Variants in CALML4 observed in about 807,000 individuals in gnomAD.
CALML4 encodes the protein calmodulin-like protein 4.
A neutral mutation model predicts 17.9 loss-of-function variants in CALML4; 16 were observed. The ratio of observed to expected loss-of-function variants is 0.89; its 90% CI spans 0.61 to 1.36. The LOEUF (loss-of-function observed/expected upper bound fraction) is 1.36. Ranked by LOEUF, CALML4 falls within the 40% of genes most tolerant of loss-of-function variation. The pLI is 0.00. For synonymous variants in CALML4, 86 were observed against 71.5 expected (o/e 1.20, Z -1.02); for missense variants, 203 against 194.8 (o/e 1.04, Z -0.25).
At chr15:68,199,024 T>C (rs2093155933) in intron 3 of CALML4, among the ~76,000 whole-genome samples, 1 of 151,984 alleles carries the variant, frequency 6.6e-6, no homozygotes, top group Non-Finnish European at 1.5e-5. Flanking sequence ...TAGCTAGGCG[T>C]GGTGGCAGGC....
intron 2 of CALML4, chr15:68,199,918 A>AG (rs1317369177): frequency 1.1e-5 from 4 of 375,134 alleles, no homozygotes; most frequent in African/African-American, 8.3e-5. Flanking sequence ...TTTGCATAGG[A>AG]CATATACTTC....
intron 4 of CALML4, among the ~76,000 whole-genome samples, chr15:68,196,866 T>C (rs777542870): frequency 4.6e-5 from 7 of 152,188 alleles, no homozygotes; most frequent in Non-Finnish European, 8.8e-5. Context: ...GTTCTCCAAC[T>C]GTCCTGGCAA....
Position 68,199,561 on chromosome 15 carries a change from TG to T in CALML4, c.154del (p.His52ThrfsTer7), listed in dbSNP as rs1338813081. 1 of 1,613,358 alleles carries T rather than the reference TG, an allele frequency of 6.2e-7. No homozygotes were observed. The highest frequency in any genetic ancestry group is 8.5e-7 in the Non-Finnish European group (1 of 1,179,874). ...ASPTPGEVQR[H>X]LQTHGIDGNG... ...CTCACCTATCCCGTGGGTCTGCAGG[TG>T]CCGCTGCACCTCCCCTGGCGTCGGG... is the stretch of plus-strand genomic sequence containing the variant. On this transcript the variant is annotated frameshift_variant, in exon 3 of 5. Transcript: ENST00000467889. LOFTEE classifies it high-confidence loss of function.
chr15:68,202,453 CA>C (rs2093168202), intron 2 of CALML4, among the ~76,000 whole-genome samples: 1 of 152,194 alleles, frequency 6.6e-6, no homozygotes, highest in East Asian at 1.9e-4. Context: ...AAAATATTTA[CA>C]AATGTTTTGT....
At chr15:68,202,402 T>G (rs1156374534) in intron 2 of CALML4, among the ~76,000 whole-genome samples, 1 of 152,208 alleles carries the variant, frequency 6.6e-6, no homozygotes, top group Non-Finnish European at 1.5e-5. Flanking sequence ...GCCCAGGAGT[T>G]CGAGACCAGC....
chr15:68,191,573 C>T lies in CALML4; in HGVS notation c.*2442G>A, dbSNP rs2093120387. The T allele has an allele frequency of 6.6e-6, 1 of 152,650 alleles. No homozygotes were observed. The highest frequency in any genetic ancestry group is 6.5e-5 in the Admixed American group (1 of 15,286). 9.5% of individuals were successfully genotyped at this position (152,650 alleles called of 1,614,324 possible). On this transcript the variant is annotated 3_prime_UTR_variant, in exon 5 of 5. Transcript: ENST00000467889. Reference sequence around the variant, plus strand: ...CACCTTTCATCCAGAGATTTCAAAGCATGACAAGTAACTAACTAATTTTCT... The same window carrying T: ...CACCTTTCATCCAGAGATTTCAAAGTATGACAAGTAACTAACTAATTTTCT...
intron 2 of CALML4, among the ~76,000 whole-genome samples, chr15:68,201,212 C>T (rs908237327): frequency 1.3e-5 from 2 of 152,360 alleles, no homozygotes; most frequent in East Asian, 1.9e-4. Context: ...CCTTTCAGAA[C>T]ATTCCAGAGC....
Position 68,204,782 on chromosome 15 carries a change from C to T in CALML4, c.34+339G>A, listed in dbSNP as rs1015054437. On this transcript the variant is annotated intron_variant, in intron 2 of 4. Coordinates refer to ENST00000467889, the MANE Select transcript of CALML4 (RefSeq NM_033429.3). The surrounding 1 kb of genome is among the most constrained non-coding windows in gnomAD (Gnocchi z 6.0). Reference sequence around the variant, plus strand: ...TCAATTACAAAGCCCCTCCTCTTTCCCTGCTGCCAGCCATACCTTTAATGG... The same window carrying T: ...TCAATTACAAAGCCCCTCCTCTTTCTCTGCTGCCAGCCATACCTTTAATGG... 2.0e-5 allele frequency among the ~76,000 whole-genome samples: 3 copies of T among 152,164 alleles called. No homozygotes were observed. The highest frequency in any genetic ancestry group is 4.8e-5 in the African/African-American group (2 of 41,434).
Position 68,205,133 on chromosome 15 carries a change from C to A in CALML4, c.22G>T (p.Asp8Tyr), listed in dbSNP as rs751698482. ...AAACCCAACCTACCATTAATTTGGT[C>A]TTGGGAAAGAAACTTGGCCTGCAGC... The part of the protein sequence containing the change: MAKFLSQ[D>Y]QINEYKECFS... Residue 8 changes from aspartate (D) to tyrosine (Y), a missense_variant, in exon 2 of 5, where the codon GAC becomes TAC. Transcript: ENST00000467889. This position sits in a 1 kb window ranked among gnomAD's most constrained non-coding sequence, Gnocchi z 4.8. 6.2e-7 allele frequency: 1 copy of A among 1,614,108 alleles called. No homozygotes were observed. The highest frequency in any genetic ancestry group is 2.2e-5 in the East Asian group (1 of 44,882).
Position 68,199,524 on chromosome 15 carries a change from T to G in CALML4, c.175+17A>C. ...CTGGGCCCCTCCCCTCTCCCCGTTG[T>G]TCCCACCACCACTCACCTATCCCGT... On this transcript the variant is annotated intron_variant, in intron 3 of 4. Transcript: ENST00000467889. 2.5e-6 allele frequency: 4 copies of G among 1,601,820 alleles called. No individual in the cohort carries two copies. The highest frequency in any genetic ancestry group is 3.4e-6 in the Non-Finnish European group (4 of 1,173,238).
At chr15:68,194,385 T>C (rs997890575) in intron 4 of CALML4, among the ~76,000 whole-genome samples, 2 of 28,354 alleles carry the variant, frequency 7.1e-5, no homozygotes, top group African/African-American at 3.7e-4. Flanking sequence ...CACCGTGTGC[T>C]TTTTTTTTTT....
intron 4 of CALML4, among the ~76,000 whole-genome samples, chr15:68,194,890 A>G (rs2093136764): frequency 6.6e-6 from 1 of 151,360 alleles, no homozygotes. Flanking sequence ...CCCCCACCCC[A>G]AGAGAGGACT....
rs963049487 is a variant in CALML4 at position 68,204,588 on chromosome 15, G to A, written c.34+533C>T. On this transcript the variant is annotated intron_variant, in intron 2 of 4. Transcript: ENST00000467889. The surrounding 1 kb of genome is among the most constrained non-coding windows in gnomAD (Gnocchi z 6.0). The stretch of plus-strand genomic sequence containing the variant: ...CACGGTGTGAAACTGAAGCCTGGTC[G>A]AGGGCTGGCAGAGTAGGGGACCCAG... Among the ~76,000 whole-genome samples, 8 of 152,178 alleles carry A rather than the reference G, an allele frequency of 5.3e-5. No homozygotes were observed. The highest frequency in any genetic ancestry group is 1.2e-4 in the Non-Finnish European group (8 of 68,020).
chr15:68,194,903 G>A (rs2093136897), intron 4 of CALML4, among the ~76,000 whole-genome samples: 2 of 149,444 alleles, frequency 1.3e-5, no homozygotes, highest in Admixed American at 6.7e-5. Flanking sequence ...AGAGGACTTA[G>A]TGACAAGCAC....
At chr15:68,205,643 A>T, upstream of CALML4, 1 of 472,040 alleles carries the variant, frequency 2.1e-6, no homozygotes, top group Non-Finnish European at 3.9e-6. This position sits in a 1 kb window ranked among gnomAD's most constrained non-coding sequence, Gnocchi z 4.8. Context: ...TGGACACTTT[A>T]CACCCCGGGT....
At position 68,204,365 on chromosome 15, in the gene CALML4, ACT is replaced by A. The variant is rs533871259; in HGVS notation, c.34+754_34+755del. On this transcript the variant is annotated intron_variant, in intron 2 of 4. Transcript: ENST00000467889. The surrounding 1 kb of genome is among the most constrained non-coding windows in gnomAD (Gnocchi z 6.0). ...CTGGAGGAATGGGATGCCTCGGGGGACTCTCAGGCCCATTGACGTCCACTGTT... is the reference window on the plus strand; with the variant it reads ...CTGGAGGAATGGGATGCCTCGGGGGACTCAGGCCCATTGACGTCCACTGTT... Among the ~76,000 whole-genome samples the A allele has an allele frequency of 2.2e-4, 33 of 151,774 alleles. No homozygotes were observed. The South Asian group carries it at 6.7e-3, about 31-fold the overall frequency.
At chr15:68,194,683 C>T (rs1161743173) in intron 4 of CALML4, among the ~76,000 whole-genome samples, 1 of 152,110 alleles carries the variant, frequency 6.6e-6, no homozygotes, top group Non-Finnish European at 1.5e-5. Context: ...TGTGCCCGGC[C>T]CACCCTGTGC....
intron 2 of CALML4, 198 bp from the exon 3 acceptor site, chr15:68,199,879 T>C (rs1276850736): frequency 8.4e-6 from 4 of 478,124 alleles, no homozygotes; most frequent in South Asian, 4.3e-5. Context: ...AGATAAACAC[T>C]GAATATACTT....
chr15:68,199,503 GC>G, intron 3 of CALML4, 37 bp downstream of exon 3: 1 of 1,586,204 alleles, frequency 6.3e-7, no homozygotes, highest in Non-Finnish European at 8.6e-7. Context: ...CACCTGCTGG[GC>G]CCCTCCCCTC....
Sources: gnomAD v4.1 joint callset for allele counts (sites outside exome capture counted in the v4.1 genomes callset) on GRCh38, gnomAD v4.1.1 for gene constraint, Gnocchi (gnomAD v3.1) non-coding constraint, MANE v1.5 for transcripts, NCBI Gene and HGNC (gene_info 2026-07-23, HGNC 2026-07-21) for gene names.